The following FRMD4A variants were observed in gnomAD, a reference collection of about 807,000 sequenced individuals.
FRMD4A encodes FERM domain-containing protein 4A.
A neutral mutation model predicts 129.1 loss-of-function variants in FRMD4A; 29 were observed. That is an observed-to-expected ratio of 0.22 (90% CI 0.17 to 0.31). The LOEUF is 0.31. FRMD4A is among the 10% of genes least tolerant of loss of function. FRMD4A has a pLI of 1.00. For synonymous variants in FRMD4A, 634 were observed against 571.6 expected (o/e 1.11, Z -1.56); for missense variants, 1,272 against 1,375.8 (o/e 0.92, Z 1.19).
chr10:14,205,826 A>T (rs2131947203), intron 2 of FRMD4A, among the ~76,000 whole-genome samples: 1 of 151,296 alleles, frequency 6.6e-6, no homozygotes, highest in African/African-American at 2.4e-5. Context: ...AAAAAAAAAA[A>T]AAAGGGAATT....
chr10:14,290,880 G>A (rs1346835214), intron 2 of FRMD4A, among the ~76,000 whole-genome samples: 9 of 152,020 alleles, frequency 5.9e-5, no homozygotes, highest in African/African-American at 2.2e-4. Flanking sequence ...AAATGACTTA[G>A]CACAATGGCT....
At chr10:14,070,939 CAATT>C (rs1835288120) in intron 2 of FRMD4A, among the ~76,000 whole-genome samples, 1 of 152,180 alleles carries the variant, frequency 6.6e-6, no homozygotes, top group Non-Finnish European at 1.5e-5. Flanking sequence ...TTTCAGGACA[CAATT>C]GATGCATCCA....
intron 8 of FRMD4A, among the ~76,000 whole-genome samples, chr10:13,760,806 C>T (rs2092040369): frequency 6.6e-6 from 1 of 151,678 alleles, no homozygotes; most frequent in African/African-American, 2.4e-5. Flanking sequence ...GCTTTCCTTT[C>T]CTGTTCATGT....
intron 6 of FRMD4A, among the ~76,000 whole-genome samples, chr10:13,767,420 G>A (rs1389986403): frequency 6.6e-6 from 1 of 152,080 alleles, no homozygotes; most frequent in African/African-American, 2.4e-5. Context: ...TTTATTTTTA[G>A]TGGAAGCAGG....
intron 8 of FRMD4A, among the ~76,000 whole-genome samples, chr10:13,756,355 A>AT (rs1161874445): frequency 6.6e-6 from 1 of 152,068 alleles, no homozygotes; most frequent in African/African-American, 2.4e-5. Flanking sequence ...GCTAAACGTT[A>AT]TTTTTTATTT....
At chr10:13,692,139 G>GTTTTTTTTTTT in intron 15 of FRMD4A, 1 of 106,848 alleles carries the variant, frequency 9.4e-6, no homozygotes, top group African/African-American at 3.9e-5. Flanking sequence ...AATTTTAGCA[G>GTTTTTTTTTTT]CTTTTTTTTT....
intron 2 of FRMD4A, among the ~76,000 whole-genome samples, chr10:14,098,411 T>C (rs1837114712): frequency 6.8e-6 from 1 of 146,150 alleles, no homozygotes; most frequent in African/African-American, 2.5e-5. Flanking sequence ...CTTTCTTTTC[T>C]TTTTTTTTTT....
At chr10:14,328,992 G>C (rs984836284) in intron 2 of FRMD4A, among the ~76,000 whole-genome samples, 1 of 152,140 alleles carries the variant, frequency 6.6e-6, no homozygotes, top group Non-Finnish European at 1.5e-5. Context: ...TAAATCTGTG[G>C]ACCCAGTGGA....
At chr10:13,893,161 T>C (rs2094720140) in intron 2 of FRMD4A, among the ~76,000 whole-genome samples, 1 of 152,032 alleles carries the variant, frequency 6.6e-6, no homozygotes, top group Non-Finnish European at 1.5e-5. Flanking sequence ...CTCAGCCTCC[T>C]AAGTAACTGG....
In FRMD4A at chr10:13,659,374, G is replaced by A. The variant is rs201770153; in HGVS notation, c.2015C>T (p.Pro672Leu). Residue 672 changes from proline (P) to leucine (L), a missense_variant, in exon 21 of 25, where the codon CCG becomes CTG. This residue lies in a region of FRMD4A where 972 missense variants were observed against 892.3 expected (regional missense o/e 1.09). Transcript: ENST00000357447. Reference sequence around the variant, plus strand: ...CCGGACCCGCAGGTCTGGCGTGGACGGCATGCTGGACTGGGAGTTCCAGTG... The same window carrying A: ...CCGGACCCGCAGGTCTGGCGTGGACAGCATGCTGGACTGGGAGTTCCAGTG... ...LPHWNSQSSM[P>L]STPDLRVRSP... 6.2e-4 allele frequency: 1,006 copies of A among 1,614,124 alleles called. No homozygotes were observed. Among genetic ancestry groups the A allele is most frequent in the Non-Finnish European group, 7.8e-4 (922 of 1,179,932 alleles).
At chr10:14,170,416 G>T (rs1201759334) in intron 2 of FRMD4A, among the ~76,000 whole-genome samples, 4 of 152,148 alleles carry the variant, frequency 2.6e-5, no homozygotes. Context: ...CCTCTCAGAA[G>T]ATTTCCTTTA....
intron 21 of FRMD4A, among the ~76,000 whole-genome samples, chr10:13,658,523 C>T (rs1226012109): frequency 6.6e-6 from 1 of 152,238 alleles, no homozygotes; most frequent in Non-Finnish European, 1.5e-5. Context: ...CCGACTGCCA[C>T]TCAGAAGGGG....
intron 4 of FRMD4A, among the ~76,000 whole-genome samples, chr10:13,803,224 T>C (rs1198690298): frequency 6.6e-6 from 1 of 151,244 alleles, no homozygotes; most frequent in Non-Finnish European, 1.5e-5. Context: ...AAGGTTAAAG[T>C]AGGGTATATA....
In FRMD4A at chr10:13,657,063, C is replaced by T; in HGVS notation, c.2526G>A (p.Glu842=). The change falls in exon 22 of 25, where the codon GAG becomes GAA. Residue 842 remains glutamate, a synonymous_variant. Transcript: ENST00000357447. The part of the protein sequence containing the change: ...YRIKEYPLYI[E]GGATPVVVRS... ...GCACCACCACGGGCGTGGCGCCGCC[C>T]TCGATGTACAGCGGGTACTCCTTGA... The T allele has an allele frequency of 6.3e-7, 1 of 1,575,384 alleles. No homozygotes were observed. Among genetic ancestry groups the T allele is most frequent in the Non-Finnish European group, 8.6e-7 (1 of 1,167,208 alleles).
chr10:13,932,860 TA>T (rs1219740748), intron 2 of FRMD4A, among the ~76,000 whole-genome samples: 2 of 152,194 alleles, frequency 1.3e-5, no homozygotes, highest in South Asian at 2.1e-4. Context: ...TTGACTAGCT[TA>T]AAAAAATATT....
At chr10:14,152,603 G>A (rs548224140) in intron 2 of FRMD4A, among the ~76,000 whole-genome samples, 32 of 152,226 alleles carry the variant, frequency 2.1e-4, no homozygotes, top group Admixed American at 9.2e-4. Context: ...GAGAGAAGCC[G>A]GGCGCGGTGG....
chr10:14,122,796 G>A (rs184154144), intron 2 of FRMD4A, among the ~76,000 whole-genome samples: 1 of 152,206 alleles, frequency 6.6e-6, no homozygotes, highest in East Asian at 1.9e-4. Flanking sequence ...TGGGGACACA[G>A]ATCCAAACCA....
At chr10:13,836,060 C>A (rs765456727) in intron 3 of FRMD4A, among the ~76,000 whole-genome samples, 2 of 152,140 alleles carry the variant, frequency 1.3e-5, no homozygotes, top group African/African-American at 4.8e-5. Context: ...TGCAGTGGCA[C>A]GATCTCAGCT....
chr10:14,052,142 C>G (rs762494543), intron 2 of FRMD4A, among the ~76,000 whole-genome samples: 2 of 152,160 alleles, frequency 1.3e-5, no homozygotes, highest in Non-Finnish European at 2.9e-5. Context: ...TGCCTGGCAA[C>G]CACCAGAACT....
Sources: allele counts gnomAD v4.1 joint callset (sites outside exome capture counted in the v4.1 genomes callset), GRCh38; gene constraint gnomAD v4.1.1; regional missense constraint gnomAD v4.1.1; transcripts MANE v1.5; gene names NCBI Gene and HGNC (gene_info 2026-07-23, HGNC 2026-07-21).